CPNE4: variants seen among roughly 807,000 people sequenced by gnomAD.
The protein encoded by CPNE4 is copine 4, also known as copine-4.
Under a neutral mutation model 67.9 loss-of-function variants are expected in CPNE4, and 25 were observed. That is an observed-to-expected ratio of 0.37 (90% CI 0.27 to 0.51). CPNE4 has a LOEUF of 0.51. CPNE4 is among the 20% of genes least tolerant of loss of function. The probability of loss-of-function intolerance (pLI) is 0.93; values close to 1 mark genes in which losing one functional copy is unlikely to be tolerated. For missense variants in CPNE4, 464 were observed against 690.8 expected, an observed-to-expected ratio of 0.67 and a Z score of 3.68; for synonymous variants, 242 against 244.9, an observed-to-expected ratio of 0.99 and a Z score of 0.11.
intron 2 of CPNE4, among the ~76,000 whole-genome samples, chr3:131,798,118 C>A (rs758397302): frequency 6.6e-5 from 10 of 152,140 alleles, no homozygotes; most frequent in Non-Finnish European, 1.3e-4. Flanking sequence ...TTATAACCTC[C>A]TCAGAGGCCT....
intron 10 of CPNE4, among the ~76,000 whole-genome samples, chr3:131,570,956 G>A (rs1300715550): frequency 1.3e-5 from 2 of 151,720 alleles, no homozygotes; most frequent in African/African-American, 2.4e-5. Flanking sequence ...CATCCTCCTT[G>A]TACCTCTTGC....
At chr3:131,578,968 T>C (rs1354266303) in intron 9 of CPNE4, among the ~76,000 whole-genome samples, 1 of 152,160 alleles carries the variant, frequency 6.6e-6, no homozygotes, top group Non-Finnish European at 1.5e-5. Flanking sequence ...CCAGCTAAAA[T>C]CATTTGAGGA....
At chr3:131,912,954 G>C (rs2089038711) in intron 1 of CPNE4, among the ~76,000 whole-genome samples, 1 of 152,072 alleles carries the variant, frequency 6.6e-6, no homozygotes, top group East Asian at 1.9e-4. Context: ...TATAAAACAA[G>C]GCAAACTTCC....
chr3:131,949,445 C>T (rs2071654130), intron 1 of CPNE4, among the ~76,000 whole-genome samples: 1 of 152,130 alleles, frequency 6.6e-6, no homozygotes. Flanking sequence ...TTAAAATACT[C>T]AGTGAAACAC....
chr3:131,728,207 A>G (rs2082043109), intron 2 of CPNE4, among the ~76,000 whole-genome samples: 1 of 152,304 alleles, frequency 6.6e-6, no homozygotes. Context: ...CCACCTGTGT[A>G]TCTTCTTTGA....
At chr3:131,878,906 A>G (rs2087559427) in intron 2 of CPNE4, among the ~76,000 whole-genome samples, 1 of 152,218 alleles carries the variant, frequency 6.6e-6, no homozygotes, top group Non-Finnish European at 1.5e-5. Flanking sequence ...TGGAGATTCA[A>G]TGACAAAGGT....
At chr3:132,036,962 T>C (rs6763828), upstream of CPNE4, among the ~76,000 whole-genome samples, 56,833 of 151,866 alleles carry the variant, frequency 0.37, 11,002 homozygotes, top group South Asian at 0.48. Flanking sequence ...TTTTACTATA[T>C]CTACAAAAAT....
At position 131,976,086 on chromosome 3, in the gene CPNE4, T is replaced by TTG. The variant is rs763329756; in HGVS notation, c.-2+58480_-2+58481insCA. 8.8e-4 allele frequency among the ~76,000 whole-genome samples: 133 copies of TTG among 151,132 alleles called. No homozygotes were observed. The South Asian group carries it at 0.012, about 14-fold the overall frequency. On this transcript the variant is annotated intron_variant, in intron 1 of 15. Coordinates refer to ENST00000429747, the MANE Select transcript of CPNE4 (RefSeq NM_130808.3). ...ATAATCTGTCAATATTGTTGGTTTTTTTTTTTTTTTTAAAGAATGCACTCT... is the reference window on the plus strand; with the variant it reads ...ATAATCTGTCAATATTGTTGGTTTTTTGTTTTTTTTTTTAAAGAATGCACTCT...
chr3:131,784,953 T>C (rs960569544), intron 2 of CPNE4, among the ~76,000 whole-genome samples: 7 of 152,108 alleles, frequency 4.6e-5, no homozygotes, highest in African/African-American at 1.7e-4. Flanking sequence ...ACTTGGGATT[T>C]AGAGACAAAT....
At chr3:131,682,811 G>A (rs2080791139) in intron 6 of CPNE4, among the ~76,000 whole-genome samples, 1 of 152,008 alleles carries the variant, frequency 6.6e-6, no homozygotes, top group Admixed American at 6.6e-5. Context: ...TCTACCTCAT[G>A]CTCTATTCTA....
At chr3:131,639,771 G>A (rs532662928) in intron 7 of CPNE4, among the ~76,000 whole-genome samples, 25 of 151,944 alleles carry the variant, frequency 1.6e-4, no homozygotes, top group African/African-American at 5.8e-4. Context: ...AAATACTAGT[G>A]AACCAAATCC....
chr3:131,870,329 T>C (rs1194254055), intron 2 of CPNE4, among the ~76,000 whole-genome samples: 1 of 152,178 alleles, frequency 6.6e-6, no homozygotes, highest in East Asian at 1.9e-4. Flanking sequence ...ATGACTAAGA[T>C]ATGGTTCCTA....
intron 5 of CPNE4, among the ~76,000 whole-genome samples, chr3:131,686,815 A>G (rs944070547): frequency 3.3e-5 from 5 of 152,148 alleles, no homozygotes; most frequent in African/African-American, 9.7e-5. Flanking sequence ...AAACGCCTTG[A>G]GATGATAAGC....
At chr3:131,579,515 T>G (rs1403001682) in intron 9 of CPNE4, among the ~76,000 whole-genome samples, 1 of 152,206 alleles carries the variant, frequency 6.6e-6, no homozygotes, top group East Asian at 1.9e-4. Flanking sequence ...CGGTAGTTTT[T>G]CTGATAGATC....
intron 7 of CPNE4, among the ~76,000 whole-genome samples, chr3:131,637,930 A>T (rs913159388): frequency 6.6e-6 from 1 of 152,184 alleles, no homozygotes; most frequent in African/African-American, 2.4e-5. Context: ...GTATCCAATG[A>T]AATTAAGCTT....
At chr3:131,821,305 A>G (rs2084951240) in intron 2 of CPNE4, among the ~76,000 whole-genome samples, 1 of 152,220 alleles carries the variant, frequency 6.6e-6, no homozygotes, top group Non-Finnish European at 1.5e-5. Context: ...TTGTTAGAGA[A>G]TACTGGGAAT....
chr3:131,646,542 G>C (rs1333231524), intron 7 of CPNE4, among the ~76,000 whole-genome samples: 2 of 152,118 alleles, frequency 1.3e-5, no homozygotes, highest in African/African-American at 2.4e-5. Context: ...TTCAGAAAGA[G>C]AGAGTCCTGC....
At chr3:131,611,657 C>CT (rs112352428) in intron 7 of CPNE4, among the ~76,000 whole-genome samples, 36 of 145,884 alleles carry the variant, frequency 2.5e-4, no homozygotes, top group South Asian at 8.7e-4. Context: ...TCTAGAATGT[C>CT]TTTTTTTTTT....
chr3:131,696,393 G>A, intron 5 of CPNE4, 149 bp downstream of exon 5: 1 of 652,140 alleles, frequency 1.5e-6, no homozygotes, highest in Non-Finnish European at 2.7e-6. Context: ...TTTAATGTGG[G>A]GGAAAGTTTA....
Sources: gnomAD v4.1 joint callset for allele counts (sites outside exome capture counted in the v4.1 genomes callset) on GRCh38, gnomAD v4.1.1 for gene constraint, MANE v1.5 for transcripts, NCBI Gene and HGNC (gene_info 2026-07-23, HGNC 2026-07-21) for gene names.